Variants in USP34 observed in about 807,000 individuals in gnomAD.
The protein encoded by USP34 is ubiquitin carboxyl-terminal hydrolase 34.
Under a neutral mutation model 460.3 loss-of-function variants are expected in USP34, and 70 were observed. The ratio of observed to expected loss-of-function variants is 0.15; its 90% CI spans 0.13 to 0.19. The LOEUF (loss-of-function observed/expected upper bound fraction) is 0.19, where lower values mean the gene tolerates loss of function less well. Ranked by LOEUF, USP34 falls within the 10% of genes least tolerant of loss-of-function variation. The pLI is 1.00. For missense variants in USP34, 3,985 were observed against 4,236.2 expected, an observed-to-expected ratio of 0.94 and a Z score of 1.65; for synonymous variants, 1,647 against 1,405.3, an observed-to-expected ratio of 1.17 and a Z score of -3.85.
intron 21 of USP34, 82 bp downstream of exon 21, chr2:61,325,293 T>G: frequency 1.2e-6 from 1 of 808,824 alleles, no homozygotes; most frequent in Non-Finnish European, 1.8e-6. Flanking sequence ...AAAAAAAAAC[T>G]GCAGAAATCA....
rs528209637 is a variant in USP34 at position 61,332,318 on chromosome 2, C to G, written c.2835-947G>C. Among the ~76,000 whole-genome samples the G allele has an allele frequency of 3.3e-5, 5 of 152,120 alleles. No homozygotes were observed. The East Asian group carries it at 9.6e-4, about 29-fold the overall frequency. On this transcript the variant is annotated intron_variant, in intron 19 of 79. Transcript: ENST00000398571. ...CAATAAATGACAGCTTTTGTTGTTA[C>G]TGATGTCAAATAACCACAGGAGTTC...
At position 61,227,174 on chromosome 2, in the gene USP34, C is replaced by T; in HGVS notation, c.7488G>A (p.Glu2496=). ...CCAGAGAGAGGATATCTTCTTCCTC[C>T]TCTTCTTCTTCCCCTTCTTCCTCTG... The part of the protein sequence containing the change: ...VLSEEEGEEE[E]EEEDILSLAE... The change falls in exon 62 of 80, where the codon GAG becomes GAA. Residue 2496 remains glutamate, a synonymous_variant. Coordinates refer to ENST00000398571, the MANE Select transcript of USP34 (RefSeq NM_014709.4). 3 of 1,613,788 alleles carry T rather than the reference C, an allele frequency of 1.9e-6. No homozygotes were observed. The highest frequency in any genetic ancestry group is 2.2e-5 in the East Asian group (1 of 44,854).
chr2:61,266,018 T>G lies in USP34; in HGVS notation c.5583A>C (p.Leu1861=). 1 of 1,612,534 alleles carries G rather than the reference T, an allele frequency of 6.2e-7. No homozygotes were observed. The highest frequency in any genetic ancestry group is 8.5e-7 in the Non-Finnish European group (1 of 1,178,894). The change falls in exon 42 of 80, where the codon CTA becomes CTC. Residue 1861 remains leucine, a synonymous_variant. Coordinates refer to ENST00000398571, the MANE Select transcript of USP34 (RefSeq NM_014709.4). ...MVKGSVENYR[L]IHNWVMAQHM... ...GTTGTGCCATAACCCAGTTGTGTAT[T>G]AGCCTGTAGTTCTCAACAGACCCCT... is the stretch of plus-strand genomic sequence containing the variant.
chr2:61,238,273 A>C (rs1163798914), intron 53 of USP34, among the ~76,000 whole-genome samples: 1 of 152,142 alleles, frequency 6.6e-6, no homozygotes, highest in African/African-American at 2.4e-5. Flanking sequence ...ACAGCCATAC[A>C]GGTCACTTTT....
chr2:61,381,635 C>T (rs998867675), intron 6 of USP34, among the ~76,000 whole-genome samples: 2 of 152,206 alleles, frequency 1.3e-5, no homozygotes, highest in African/African-American at 2.4e-5. Context: ...CCATGCCTGG[C>T]TGGCTATTGT....
chr2:61,261,352 C>G (rs553936399), intron 43 of USP34, among the ~76,000 whole-genome samples: 1 of 152,218 alleles, frequency 6.6e-6, no homozygotes, highest in Non-Finnish European at 1.5e-5. Flanking sequence ...ACACATACAA[C>G]AGCATGGATA....
chr2:61,285,031 A>G, intron 34 of USP34, 74 bp from the exon 35 acceptor site: 1 of 1,209,456 alleles, frequency 8.3e-7, no homozygotes, highest in Non-Finnish European at 1.2e-6. Flanking sequence ...CTCAAGATTT[A>G]GTTACTAAAG....
chr2:61,385,760 G>A lies in USP34; in HGVS notation c.754-2424C>T, dbSNP rs140920117. 7.4e-3 allele frequency among the ~76,000 whole-genome samples: 1,121 copies of A among 151,186 alleles called. 11 individuals carry two copies. The highest frequency in any genetic ancestry group is 0.024 in the Middle Eastern group (7 of 286). ...TGTAATCCTAGCACTTCAGGAGGCCGAGGTGGGCAGATCACCTGAGGTCAG... is the reference window on the plus strand; with the variant it reads ...TGTAATCCTAGCACTTCAGGAGGCCAAGGTGGGCAGATCACCTGAGGTCAG... On this transcript the variant is annotated intron_variant, in intron 5 of 79. Coordinates refer to ENST00000398571, the MANE Select transcript of USP34 (RefSeq NM_014709.4).
At chr2:61,355,148 A>C (rs1438230635) in intron 10 of USP34, among the ~76,000 whole-genome samples, 1 of 152,230 alleles carries the variant, frequency 6.6e-6, no homozygotes, top group Non-Finnish European at 1.5e-5. Context: ...TCATGTCTTC[A>C]AAAGTTCTGG....
At chr2:61,355,276 GAAAT>G (rs1490376001) in intron 10 of USP34, among the ~76,000 whole-genome samples, 1 of 152,156 alleles carries the variant, frequency 6.6e-6, no homozygotes, top group African/African-American at 2.4e-5. Context: ...CAGTTGAAAT[GAAAT>G]AAGAAAGATC....
chr2:61,411,352 G>A (rs935899950), intron 2 of USP34, among the ~76,000 whole-genome samples: 1 of 147,440 alleles, frequency 6.8e-6, no homozygotes, highest in African/African-American at 2.5e-5. Context: ...CTGTACTCCA[G>A]CCCAGGTGAC....
intron 3 of USP34, among the ~76,000 whole-genome samples, chr2:61,396,849 A>G (rs1693546729): frequency 6.6e-6 from 1 of 152,122 alleles, no homozygotes; most frequent in African/African-American, 2.4e-5. Context: ...TGATGGAAAT[A>G]CTCTAAAATT....
chr2:61,219,028 T>A (rs1687482162), intron 67 of USP34, among the ~76,000 whole-genome samples: 1 of 152,216 alleles, frequency 6.6e-6, no homozygotes, highest in African/African-American at 2.4e-5. Context: ...TGTGTACATA[T>A]ATTATATGGA....
intron 53 of USP34, among the ~76,000 whole-genome samples, chr2:61,239,076 C>T (rs1194133203): frequency 1.3e-5 from 2 of 151,966 alleles, no homozygotes; most frequent in East Asian, 1.9e-4. Context: ...CCATATAAGA[C>T]GGCAAACTTA....
At chr2:61,417,247 T>C in intron 2 of USP34, 11 of 1,328,584 alleles carry the variant, frequency 8.3e-6, no homozygotes, top group Middle Eastern at 2.0e-4. Context: ...CTGAAAGGCC[T>C]GTCTCCAAGG....
chr2:61,467,446 G>T (rs1695806953), intron 1 of USP34, among the ~76,000 whole-genome samples: 1 of 151,684 alleles, frequency 6.6e-6, no homozygotes, highest in Non-Finnish European at 1.5e-5. Context: ...CACCACGTCT[G>T]ACTGTTTTGT....
At chr2:61,403,708 C>G (rs1304988591) in intron 3 of USP34, among the ~76,000 whole-genome samples, 1 of 152,026 alleles carries the variant, frequency 6.6e-6, no homozygotes, top group Non-Finnish European at 1.5e-5. Flanking sequence ...GCTTTAGAGG[C>G]TGGGCGCAGC....
intron 18 of USP34, among the ~76,000 whole-genome samples, chr2:61,338,711 G>A (rs1572947517): frequency 6.6e-6 from 1 of 152,142 alleles, no homozygotes; most frequent in East Asian, 1.9e-4. Context: ...TGAAAACCAA[G>A]AAATGTGTCA....
chr2:61,266,120 T>C lies in USP34; in HGVS notation c.5481A>G (p.Leu1827=), dbSNP rs771438538. ...TGCACTTTGGCTGTTGTCGGTCCTTTAGACTTGGCAACAAAAACAGGAGAT... is the reference window on the plus strand; with the variant it reads ...TGCACTTTGGCTGTTGTCGGTCCTTCAGACTTGGCAACAAAAACAGGAGAT... ...IFNLLFLLPS[L]KDRQQPKCKS... Residue 1827 remains leucine, a synonymous_variant, in exon 42 of 80, where the codon CTA becomes CTG. Transcript: ENST00000398571. 8 of 1,613,564 alleles carry C rather than the reference T, an allele frequency of 5.0e-6. 1 individual carries two copies. Among genetic ancestry groups the C allele is most frequent in the South Asian group, 2.2e-5 (2 of 91,052 alleles).
Sources: gnomAD v4.1 joint callset for allele counts (sites outside exome capture counted in the v4.1 genomes callset) on GRCh38, gnomAD v4.1.1 for gene constraint, MANE v1.5 for transcripts, NCBI Gene and HGNC (gene_info 2026-07-23, HGNC 2026-07-21) for gene names.